NNMT: variants seen among roughly 807,000 people sequenced by gnomAD.
The protein encoded by NNMT is nicotinamide N-methyltransferase.
In NNMT, 10 loss-of-function variants were observed where a neutral mutation model predicts 11.7. The ratio of observed to expected loss-of-function variants is 0.85; its 90% CI spans 0.53 to 1.45. The LOEUF (loss-of-function observed/expected upper bound fraction) is 1.45, where lower values mean the gene tolerates loss of function less well. NNMT is among the 40% of genes most tolerant of loss of function. The pLI is 0.00. For synonymous variants in NNMT, 143 were observed against 133.8 expected (o/e 1.07, Z -0.48); for missense variants, 381 against 319.4 (o/e 1.19, Z -1.47).
chr11:114,258,345 ACTC>A (rs1034415728), intron 1 of NNMT, among the ~76,000 whole-genome samples: 5 of 152,100 alleles, frequency 3.3e-5, no homozygotes, highest in African/African-American at 1.2e-4. Context: ...GCTCTGAGGA[ACTC>A]CTCTCCTGAC....
chr11:114,258,880 C>T (rs1360909008), intron 1 of NNMT, among the ~76,000 whole-genome samples: 4 of 149,216 alleles, frequency 2.7e-5, no homozygotes, highest in Non-Finnish European at 4.5e-5. Flanking sequence ...TGGGCCTGTG[C>T]GTGTGCTGTT....
intron 2 of NNMT, among the ~76,000 whole-genome samples, chr11:114,269,685 G>T (rs1945154860): frequency 6.6e-6 from 1 of 152,024 alleles, no homozygotes; most frequent in South Asian, 2.1e-4. Context: ...AGCTTTCAGA[G>T]GTGTTGTTTG....
At chr11:114,272,526 A>G (rs138285182) in intron 2 of NNMT, among the ~76,000 whole-genome samples, 196 of 152,280 alleles carry the variant, frequency 1.3e-3, no homozygotes, top group African/African-American at 4.4e-3. Flanking sequence ...CACTTGATAC[A>G]TGGTCCATGG....
At chr11:114,285,146 A>G (rs531489848) in intron 2 of NNMT, among the ~76,000 whole-genome samples, 1 of 152,216 alleles carries the variant, frequency 6.6e-6, no homozygotes, top group East Asian at 1.9e-4. Context: ...CCTCCTTGGC[A>G]TCCTTCTCAA....
intron 1 of NNMT, among the ~76,000 whole-genome samples, chr11:114,259,326 T>TAC (rs940089526): frequency 1.4e-5 from 2 of 142,636 alleles, no homozygotes; most frequent in Admixed American, 6.9e-5. Context: ...AGGACACGTG[T>TAC]ACACACACGC....
At chr11:114,268,658 A>G (rs1309001084) in intron 2 of NNMT, among the ~76,000 whole-genome samples, 3 of 151,218 alleles carry the variant, frequency 2.0e-5, no homozygotes, top group Admixed American at 6.6e-5. Flanking sequence ...AGTCCCAGCT[A>G]CTCGGGAGGC....
intron 1 of NNMT, among the ~76,000 whole-genome samples, chr11:114,259,323 G>A (rs927682858): frequency 2.4e-4 from 36 of 147,382 alleles, no homozygotes; most frequent in African/African-American, 8.7e-4. Context: ...CCCAGGACAC[G>A]TGTACACACA....
chr11:114,297,995 A>ACTAT lies in NNMT; in HGVS notation c.205_208dup (p.Gln70LeufsTer8), dbSNP rs1565726525. The ACTAT allele has an allele frequency of 1.2e-6, 2 of 1,613,622 alleles. No homozygotes were observed. The highest frequency in any genetic ancestry group is 3.3e-5 in the Admixed American group (2 of 60,014). Reference sequence around the variant, plus strand: ...GCTGATTGACATCGGCTCTGGCCCCACTATCTATCAGCTCCTCTCTGCTTG... The same window carrying ACTAT: ...GCTGATTGACATCGGCTCTGGCCCCACTATCTATCTATCAGCTCCTCTCTGCTTG... On this transcript the variant is annotated frameshift_variant, in exon 2 of 3. Coordinates refer to ENST00000299964, the MANE Select transcript of NNMT (RefSeq NM_006169.3). LOFTEE classifies it high-confidence loss of function.
intron 2 of NNMT, among the ~76,000 whole-genome samples, chr11:114,283,949 T>C (rs1404604586): frequency 6.6e-6 from 1 of 152,236 alleles, no homozygotes; most frequent in East Asian, 1.9e-4. Context: ...TTAGTAGTGA[T>C]AGGACAGATG....
intron 1 of NNMT, among the ~76,000 whole-genome samples, chr11:114,261,795 C>T (rs1391250042): frequency 1.3e-5 from 2 of 152,178 alleles, no homozygotes; most frequent in Non-Finnish European, 2.9e-5. Flanking sequence ...CTTGACTTTT[C>T]TTCTCCCATC....
chr11:114,260,552 G>T (rs745792503), intron 1 of NNMT, among the ~76,000 whole-genome samples: 6 of 152,166 alleles, frequency 3.9e-5, no homozygotes, highest in Non-Finnish European at 8.8e-5. Context: ...GAGGAGGCCC[G>T]CTCCGGGCTC....
chr11:114,301,478 G>A (rs1385806524), intron 2 of NNMT, among the ~76,000 whole-genome samples: 1 of 152,136 alleles, frequency 6.6e-6, no homozygotes, highest in African/African-American at 2.4e-5. Context: ...AAGACATGGA[G>A]GAAATGTAAA....
chr11:114,259,350 G>A (rs934083613), intron 1 of NNMT, among the ~76,000 whole-genome samples: 6 of 150,108 alleles, frequency 4.0e-5, no homozygotes, highest in South Asian at 4.2e-4. Flanking sequence ...GGCCCAGTGG[G>A]GGGGGGGGAG....
At chr11:114,260,914 C>T (rs1945074871) in intron 1 of NNMT, among the ~76,000 whole-genome samples, 2 of 152,216 alleles carry the variant, frequency 1.3e-5, no homozygotes, top group Admixed American at 6.5e-5. Flanking sequence ...CACTGTATCT[C>T]AAAGGCTCCC....
At chr11:114,284,764 CTTTTTTTTTT>C (rs11415162) in intron 2 of NNMT, among the ~76,000 whole-genome samples, 10,561 of 90,574 alleles carry the variant, frequency 0.12, 586 homozygotes, top group Middle Eastern at 0.33. Flanking sequence ...ACCCGGCCAT[CTTTTTTTTTT>C]TTTTTTTTTT....
At chr11:114,262,451 C>A (rs1214143235) in intron 1 of NNMT, among the ~76,000 whole-genome samples, 1 of 152,068 alleles carries the variant, frequency 6.6e-6, no homozygotes, top group South Asian at 2.1e-4. Context: ...TGAGAACATG[C>A]GGTGTTTGGT....
At chr11:114,261,006 T>A (rs1945075833) in intron 1 of NNMT, among the ~76,000 whole-genome samples, 1 of 152,188 alleles carries the variant, frequency 6.6e-6, no homozygotes, top group South Asian at 2.1e-4. Flanking sequence ...TGAAGCCAAC[T>A]AGAGTAACGA....
chr11:114,285,262 A>C (rs1029730610), intron 2 of NNMT, among the ~76,000 whole-genome samples: 4 of 152,172 alleles, frequency 2.6e-5, no homozygotes, highest in Admixed American at 6.5e-5. Flanking sequence ...TGGCTGAATC[A>C]GTGTCTTTGT....
chr11:114,269,059 A>T (rs551955624), intron 2 of NNMT, among the ~76,000 whole-genome samples: 69 of 145,524 alleles, frequency 4.7e-4, no homozygotes, highest in South Asian at 4.5e-3. Flanking sequence ...CACACATTTT[A>T]AAAAAAAAAG....
Sources: gnomAD v4.1 joint callset for allele counts (sites outside exome capture counted in the v4.1 genomes callset) on GRCh38, gnomAD v4.1.1 for gene constraint, MANE v1.5 for transcripts, NCBI Gene and HGNC (gene_info 2026-07-23, HGNC 2026-07-21) for gene names.